Variants in PCDHGA6 observed in about 807,000 individuals in gnomAD.
PCDHGA6 encodes the protein protocadherin gamma-A6.
A neutral mutation model predicts 60.6 loss-of-function variants in PCDHGA6; 41 were observed. The observed-to-expected ratio is 0.68, with a 90% CI of 0.53 to 0.88. The LOEUF (loss-of-function observed/expected upper bound fraction) is 0.88, where lower values mean the gene tolerates loss of function less well. Among genes scored for constraint, PCDHGA6 ranks in the 40% least tolerant of loss-of-function variants. The pLI is 0.00. For missense variants in PCDHGA6, 1,312 were observed against 1,203.0 expected (o/e 1.09, Z -1.34); for synonymous variants, 594 against 524.4 (o/e 1.13, Z -1.81).
At chr5:141,403,219 G>A in intron 1 of PCDHGA6, 1 of 1,613,980 alleles carries the variant, frequency 6.2e-7, no homozygotes, top group South Asian at 1.1e-5. Flanking sequence ...CCGCGGGTAG[G>A]ATAGACCGGG....
At chr5:141,388,866 C>T in intron 1 of PCDHGA6, 1 of 1,613,950 alleles carries the variant, frequency 6.2e-7, no homozygotes, top group Non-Finnish European at 8.5e-7. Flanking sequence ...AATGATTGCG[C>T]AATGCACAGT....
At chr5:141,438,720 G>A (rs1393152221) in intron 1 of PCDHGA6, among the ~76,000 whole-genome samples, 1 of 147,892 alleles carries the variant, frequency 6.8e-6, no homozygotes, top group Non-Finnish European at 1.5e-5. Flanking sequence ...GAGTGCAAGT[G>A]GTGTGATCTC....
rs375882135 is a variant in PCDHGA6 at position 141,389,276 on chromosome 5, G to C, written c.2424+12769G>C. The C allele has an allele frequency of 7.9e-5, 128 of 1,613,976 alleles. No individual in the cohort carries two copies. In the Middle Eastern group the frequency reaches 1.8e-3, roughly 23 times the overall value. On this transcript the variant is annotated intron_variant, in intron 1 of 3. Coordinates refer to ENST00000517434, the MANE Select transcript of PCDHGA6 (RefSeq NM_018919.3). ...TAGTCCACGTGGCCGAGAACAACCC[G>C]CCTGGAGCCTCTATTTCACAAGTCA...
chr5:141,399,618 G>A, intron 1 of PCDHGA6: 1 of 1,613,914 alleles, frequency 6.2e-7, no homozygotes, highest in Non-Finnish European at 8.5e-7. Context: ...CTCTGGCACT[G>A]GCCTCTTACG....
At chr5:141,433,362 T>C (rs1285511534) in intron 1 of PCDHGA6, 6 of 299,814 alleles carry the variant, frequency 2.0e-5, no homozygotes, top group Non-Finnish European at 2.5e-5. Flanking sequence ...TGTCTGCCTA[T>C]CTATCTATCT....
intron 1 of PCDHGA6, chr5:141,420,546 G>T: frequency 3.5e-6 from 1 of 284,254 alleles, no homozygotes; most frequent in Admixed American, 5.0e-5. Flanking sequence ...ATAAAATACA[G>T]GTATATTTTT....
At chr5:141,437,497 T>A (rs2097889891) in intron 1 of PCDHGA6, among the ~76,000 whole-genome samples, 1 of 152,190 alleles carries the variant, frequency 6.6e-6, no homozygotes, top group Non-Finnish European at 1.5e-5. Flanking sequence ...TAGATCACTT[T>A]TCAATGAATT....
intron 1 of PCDHGA6, among the ~76,000 whole-genome samples, chr5:141,471,692 C>A (rs1293253544): frequency 6.6e-6 from 1 of 152,118 alleles, no homozygotes; most frequent in African/African-American, 2.4e-5. Context: ...TTCTGAAATT[C>A]TGGCTGGAAT....
rs61612330 is a variant in PCDHGA6, at chr5:141,454,796, A to ATTTTTTTTTTTTTTT, written c.2425-39996_2425-39982dup. 1.0e-3 allele frequency among the ~76,000 whole-genome samples: 80 copies of ATTTTTTTTTTTTTTT among 77,456 alleles called. 10 individuals are homozygous for ATTTTTTTTTTTTTTT. The highest frequency in any genetic ancestry group is 2.0e-3 in the East Asian group (5 of 2,512). The allele number at this position is 77,456 out of a possible 152,430, so 50.8% of individuals were successfully genotyped here. A position where few individuals can be genotyped will look rare whatever the true frequency, so the allele number is the denominator to read the frequency against. On this transcript the variant is annotated intron_variant, in intron 1 of 3. Transcript: ENST00000517434. ...AAGGAAATAATCCTCCATGGTTCTA[A>ATTTTTTTTTTTTTTT]TTTTTTTTTTTTTTTTTTTTTTTTT...
chr5:141,421,342 G>A (rs199737254), intron 1 of PCDHGA6: 25 of 1,613,872 alleles, frequency 1.5e-5, no homozygotes, highest in Non-Finnish European at 1.9e-5. Context: ...GGTGCCAGAA[G>A]AGACCGAAAA....
rs771608897 is a variant in PCDHGA6, at chr5:141,490,857, C to T, written c.2425-3950C>T. 58 of 1,613,714 alleles carry T rather than the reference C, an allele frequency of 3.6e-5. 1 individual carries two copies. The highest frequency in any genetic ancestry group is 1.8e-4 in the Admixed American group (11 of 59,992). Reference sequence around the variant, plus strand: ...AGATTGTGGTGGGGGTTCGAGACTCCGGCTCTCCCCCATTGCATGCCAACA... The same window carrying T: ...AGATTGTGGTGGGGGTTCGAGACTCTGGCTCTCCCCCATTGCATGCCAACA... On this transcript the variant is annotated intron_variant, in intron 1 of 3. Transcript: ENST00000517434. The surrounding 1 kb of genome is among the most constrained non-coding windows in gnomAD (Gnocchi z 5.4).
rs778744503 is a variant in PCDHGA6, at chr5:141,511,152, G to C, written c.2778G>C (p.Ser926=). 2 of 1,614,140 alleles carry C rather than the reference G, an allele frequency of 1.2e-6. No individual in the cohort carries two copies. Among genetic ancestry groups the C allele is most frequent in the South Asian group, 2.2e-5 (2 of 91,086 alleles). The change falls in exon 4 of 4, where the codon TCG becomes TCC. Residue 926 remains serine, a synonymous_variant. Coordinates refer to ENST00000517434, the MANE Select transcript of PCDHGA6 (RefSeq NM_018919.3). ...PAGGNGNKKK[S]GKKEKK ...GTGGCAATGGCAACAAGAAGAAGTC[G>C]GGCAAGAAGGAGAAGAAGTAACATG...
chr5:141,452,525 G>A (rs1227647193), intron 1 of PCDHGA6, among the ~76,000 whole-genome samples: 3 of 152,126 alleles, frequency 2.0e-5, no homozygotes, highest in Admixed American at 6.5e-5. Flanking sequence ...CCTCAAAATC[G>A]TGAGTTCATA....
chr5:141,415,752 T>G lies in PCDHGA6; in HGVS notation c.2424+39245T>G, dbSNP rs981275270. ...GATGTTTATTAAGGTTTTTTTTTTT[T>G]TTTTTTTTTTTTTTTTTTTTACTTT... On this transcript the variant is annotated intron_variant, in intron 1 of 3. Transcript: ENST00000517434. 5.6e-5 allele frequency: 77 copies of G among 1,372,446 alleles called. No individual in the cohort carries two copies. In the East Asian group the frequency reaches 6.8e-4, roughly 12 times the overall value. 85.0% of individuals were successfully genotyped at this position (1,372,446 alleles called of 1,614,324 possible).
chr5:141,433,742 C>T lies in PCDHGA6; in HGVS notation c.2424+57235C>T, dbSNP rs927651405. 2.6e-5 allele frequency among the ~76,000 whole-genome samples: 4 copies of T among 150,944 alleles called. No homozygotes were observed. The East Asian group carries it at 7.9e-4, about 30-fold the overall frequency. On this transcript the variant is annotated intron_variant, in intron 1 of 3. Coordinates refer to ENST00000517434, the MANE Select transcript of PCDHGA6 (RefSeq NM_018919.3). Reference sequence around the variant, plus strand: ...ATCCCAGCTACTTGGGAGGCTGAGTCAGGAGAATTGCTTTAACCTGGGAGG... The same window carrying T: ...ATCCCAGCTACTTGGGAGGCTGAGTTAGGAGAATTGCTTTAACCTGGGAGG...
chr5:141,394,353 C>G (rs759128487), intron 1 of PCDHGA6: 11 of 1,614,178 alleles, frequency 6.8e-6, no homozygotes, highest in East Asian at 4.5e-5. Flanking sequence ...CACCGGTGTC[C>G]TGTATGCGCT....
rs953803165 is a variant in PCDHGA6, at chr5:141,392,978, C to A, written c.2424+16471C>A. 2.5e-6 allele frequency: 4 copies of A among 1,613,808 alleles called. No individual in the cohort carries two copies. The highest frequency in any genetic ancestry group is 1.7e-4 in the Middle Eastern group (1 of 6,054). Reference sequence around the variant, plus strand: ...ATATCTCCAAGGACCTGGGGCTGGACCCCCGGAAGCTGGCGAAGCACGGAG... The same window carrying A: ...ATATCTCCAAGGACCTGGGGCTGGAACCCCGGAAGCTGGCGAAGCACGGAG... On this transcript the variant is annotated intron_variant, in intron 1 of 3. Coordinates refer to ENST00000517434, the MANE Select transcript of PCDHGA6 (RefSeq NM_018919.3).
At chr5:141,413,179 G>C in intron 1 of PCDHGA6, 1 of 1,602,658 alleles carries the variant, frequency 6.2e-7, no homozygotes. Context: ...GACTACAATG[G>C]CCGCTCAAAG....
intron 1 of PCDHGA6, chr5:141,422,634 T>C: frequency 1.9e-6 from 3 of 1,612,682 alleles, no homozygotes; most frequent in Non-Finnish European, 2.5e-6. Flanking sequence ...ACCCCAGGGG[T>C]GCCTCCATCT....
Sources: allele counts gnomAD v4.1 joint callset (sites outside exome capture counted in the v4.1 genomes callset), GRCh38; gene constraint gnomAD v4.1.1; non-coding constraint Gnocchi (gnomAD v3.1); transcripts MANE v1.5; gene names NCBI Gene and HGNC (gene_info 2026-07-23, HGNC 2026-07-21).